LRRTM4: variants seen among roughly 807,000 people sequenced by gnomAD.
The protein encoded by LRRTM4 is leucine rich repeat transmembrane neuronal 4, also known as leucine-rich repeat transmembrane neuronal protein 4.
Under a neutral mutation model 47.6 loss-of-function variants are expected in LRRTM4, and 25 were observed. The ratio of observed to expected loss-of-function variants is 0.53; its 90% CI spans 0.38 to 0.73. The LOEUF is 0.73. Ranked by LOEUF, LRRTM4 falls within the 30% of genes least tolerant of loss-of-function variation. The pLI is 0.00. For missense variants in LRRTM4, 638 were observed against 713.4 expected (o/e 0.89, Z 1.20); for synonymous variants, 311 against 269.5 (o/e 1.15, Z -1.51).
At chr2:76,817,944 A>G (rs1028648244) in intron 3 of LRRTM4, among the ~76,000 whole-genome samples, 3 of 151,942 alleles carry the variant, frequency 2.0e-5, no homozygotes, top group Admixed American at 1.3e-4. Context: ...TTCATATAAG[A>G]TAATCATGTT....
chr2:77,149,107 T>G (rs1238735918), intron 3 of LRRTM4, among the ~76,000 whole-genome samples: 1 of 152,140 alleles, frequency 6.6e-6, no homozygotes, highest in Non-Finnish European at 1.5e-5. Flanking sequence ...CTGTGACCAC[T>G]AGACGCACAT....
chr2:77,163,179 A>G (rs1672780720), intron 3 of LRRTM4, among the ~76,000 whole-genome samples: 1 of 152,196 alleles, frequency 6.6e-6, no homozygotes, highest in African/African-American at 2.4e-5. Context: ...TATGTGACAC[A>G]TGCACAAGCT....
intron 3 of LRRTM4, among the ~76,000 whole-genome samples, chr2:77,284,217 G>T (rs188415400): frequency 6.6e-5 from 10 of 152,172 alleles, no homozygotes; most frequent in Non-Finnish European, 1.5e-4. Context: ...CTCATGGGAA[G>T]GATGTACACC....
rs571932421 is a variant in LRRTM4, at chr2:77,360,622, C to G, written c.1551+157696G>C. ...GTGCTTGTAATTTGTGGATAATGAA[C>G]TAGCCCACAAAAGTAATTTGACTTC... On this transcript the variant is annotated intron_variant, in intron 3 of 3. Transcript: ENST00000409884. 1.2e-4 allele frequency among the ~76,000 whole-genome samples: 18 copies of G among 152,002 alleles called. No homozygotes were observed. The South Asian group carries it at 2.1e-3, about 18-fold the overall frequency.
chr2:77,323,328 C>T (rs147194782), intron 3 of LRRTM4, among the ~76,000 whole-genome samples: 8 of 152,222 alleles, frequency 5.3e-5, no homozygotes, highest in East Asian at 3.9e-4. Context: ...ATCTTGAGAA[C>T]GTAATGGGAT....
At chr2:77,050,128 CT>C (rs745419725) in intron 3 of LRRTM4, among the ~76,000 whole-genome samples, 4,427 of 112,654 alleles carry the variant, frequency 0.039, 68 homozygotes, top group African/African-American at 0.099. Flanking sequence ...AGAACCAAGT[CT>C]TTTTTTTTTT....
intron 3 of LRRTM4, among the ~76,000 whole-genome samples, chr2:77,436,055 T>C (rs1405047027): frequency 6.6e-6 from 1 of 152,144 alleles, no homozygotes; most frequent in Non-Finnish European, 1.5e-5. Context: ...TATGTAGAAA[T>C]ATATATGAAT....
chr2:77,488,070 G>A (rs1677990900), intron 3 of LRRTM4, among the ~76,000 whole-genome samples: 1 of 152,180 alleles, frequency 6.6e-6, no homozygotes, highest in Non-Finnish European at 1.5e-5. Context: ...AGCTTGCCAT[G>A]TTGCAGGCAA....
chr2:77,238,263 A>G (rs1383249455), intron 3 of LRRTM4, among the ~76,000 whole-genome samples: 1 of 152,160 alleles, frequency 6.6e-6, no homozygotes, highest in Non-Finnish European at 1.5e-5. Flanking sequence ...CCTCTAATAT[A>G]CAAATAAAAT....
At chr2:77,044,626 G>A (rs1008468014) in intron 3 of LRRTM4, among the ~76,000 whole-genome samples, 1 of 149,452 alleles carries the variant, frequency 6.7e-6, no homozygotes, top group Non-Finnish European at 1.5e-5. Context: ...ATTTTTTTTG[G>A]CTATATATAT....
At chr2:76,995,335 G>T (rs991579257) in intron 3 of LRRTM4, among the ~76,000 whole-genome samples, 1 of 152,032 alleles carries the variant, frequency 6.6e-6, no homozygotes, top group Non-Finnish European at 1.5e-5. Context: ...GTTTATGCTT[G>T]TGAATTCTGG....
intron 3 of LRRTM4, among the ~76,000 whole-genome samples, chr2:76,926,636 G>T (rs978359303): frequency 1.3e-5 from 2 of 152,086 alleles, no homozygotes; most frequent in African/African-American, 4.8e-5. Context: ...GTTTTGTTAT[G>T]GTGTTAGTGG....
chr2:77,313,997 A>C (rs1206639707), intron 3 of LRRTM4, among the ~76,000 whole-genome samples: 1 of 152,218 alleles, frequency 6.6e-6, no homozygotes, highest in Non-Finnish European at 1.5e-5. Context: ...TTTTGAACCA[A>C]AGATCCCTTG....
intron 3 of LRRTM4, among the ~76,000 whole-genome samples, chr2:77,327,942 G>C (rs1670837847): frequency 6.6e-6 from 1 of 152,084 alleles, no homozygotes; most frequent in Non-Finnish European, 1.5e-5. Flanking sequence ...CATAGAAAGA[G>C]GGACAGAAGA....
intron 3 of LRRTM4, among the ~76,000 whole-genome samples, chr2:77,181,737 A>G (rs1673351353): frequency 6.6e-6 from 1 of 152,112 alleles, no homozygotes; most frequent in African/African-American, 2.4e-5. Flanking sequence ...ATTTATGATG[A>G]TGCAAAAAAA....
intron 3 of LRRTM4, among the ~76,000 whole-genome samples, chr2:76,758,487 G>A (rs1189326262): frequency 6.6e-6 from 1 of 152,110 alleles, no homozygotes; most frequent in East Asian, 1.9e-4. Flanking sequence ...CTTCTTGGAA[G>A]ACTGGCTGGT....
rs568967910 is a variant in LRRTM4, at chr2:76,951,618, T to A, written c.1552-202702A>T. Reference sequence around the variant, plus strand: ...GCTGCTCAAACCTTCAGATAATAGATAATTTTTTTCTTTTACTTTAACTTC... The same window carrying A: ...GCTGCTCAAACCTTCAGATAATAGAAAATTTTTTTCTTTTACTTTAACTTC... On this transcript the variant is annotated intron_variant, in intron 3 of 3. Transcript: ENST00000409884. Among the ~76,000 whole-genome samples the A allele has an allele frequency of 2.4e-4, 36 of 152,088 alleles. 1 individual carries two copies. In the East Asian group the frequency reaches 6.6e-3, roughly 28 times the overall value.
At chr2:77,186,690 T>C (rs140213420) in intron 3 of LRRTM4, among the ~76,000 whole-genome samples, 224 of 152,298 alleles carry the variant, frequency 1.5e-3, no homozygotes, top group African/African-American at 5.2e-3. Flanking sequence ...AAGCAACTTC[T>C]TCCCTGTGTG....
intron 3 of LRRTM4, among the ~76,000 whole-genome samples, chr2:77,397,710 T>G (rs1673756640): frequency 6.6e-6 from 1 of 151,882 alleles, no homozygotes; most frequent in South Asian, 2.1e-4. Flanking sequence ...AATAGAGTTA[T>G]GCATATGGTT....
Sources: allele counts gnomAD v4.1 joint callset (sites outside exome capture counted in the v4.1 genomes callset), GRCh38; gene constraint gnomAD v4.1.1; transcripts MANE v1.5; gene names NCBI Gene and HGNC (gene_info 2026-07-23, HGNC 2026-07-21).